Variants in KIAA0319 observed in about 807,000 individuals in gnomAD.
KIAA0319 encodes the protein dyslexia-associated protein KIAA0319.
Under a neutral mutation model 108.4 loss-of-function variants are expected in KIAA0319, and 83 were observed. The ratio of observed to expected loss-of-function variants is 0.77; its 90% CI spans 0.64 to 0.92. The LOEUF (loss-of-function observed/expected upper bound fraction) is 0.92. Ranked by LOEUF, KIAA0319 falls within the 40% of genes least tolerant of loss-of-function variation. KIAA0319 has a pLI of 0.00. For missense variants in KIAA0319, 1,195 were observed against 1,322.4 expected, an observed-to-expected ratio of 0.90 and a Z score of 1.49; for synonymous variants, 484 against 510.4, an observed-to-expected ratio of 0.95 and a Z score of 0.70.
intron 19 of KIAA0319, 101 bp from the exon 20 acceptor site, chr6:24,551,626 TATG>T: frequency 1.3e-6 from 1 of 786,096 alleles, no homozygotes; most frequent in East Asian, 2.6e-5. Context: ...ATTTTGCCTT[TATG>T]ATGTGATAGT....
chr6:24,582,594 T>C (rs893054283), intron 5 of KIAA0319, among the ~76,000 whole-genome samples: 6 of 151,606 alleles, frequency 4.0e-5, no homozygotes, highest in African/African-American at 4.8e-5. Context: ...ATCTTCTTAA[T>C]GTAACATTTC....
At chr6:24,639,394 ACTGC>A (rs1776624992) in intron 1 of KIAA0319, among the ~76,000 whole-genome samples, 1 of 152,212 alleles carries the variant, frequency 6.6e-6, no homozygotes. Flanking sequence ...AGGAACAAAA[ACTGC>A]CAATCTAGAA....
At chr6:24,554,748 T>C (rs936853796) in intron 18 of KIAA0319, 117 bp from the exon 19 acceptor site, 2 of 726,482 alleles carry the variant, frequency 2.8e-6, no homozygotes, top group African/African-American at 1.7e-5. Flanking sequence ...ACCTGTGGAG[T>C]TGATAACATC....
At chr6:24,563,107 C>T (rs540029409) in intron 16 of KIAA0319, among the ~76,000 whole-genome samples, 17 of 152,316 alleles carry the variant, frequency 1.1e-4, no homozygotes, top group Admixed American at 1.1e-3. Flanking sequence ...AACCGTCTCC[C>T]CTGCTGTTCC....
intron 10 of KIAA0319, among the ~76,000 whole-genome samples, chr6:24,573,869 C>A (rs1765087628): frequency 6.6e-6 from 1 of 152,152 alleles, no homozygotes; most frequent in Non-Finnish European, 1.5e-5. Flanking sequence ...GTAACCCCAG[C>A]ACTTTGGGAG....
At chr6:24,562,555 T>C (rs1317140177) in intron 16 of KIAA0319, among the ~76,000 whole-genome samples, 1 of 152,042 alleles carries the variant, frequency 6.6e-6, no homozygotes, top group Non-Finnish European at 1.5e-5. Flanking sequence ...AAAAGTAAAA[T>C]TCAGCCAGGC....
intron 1 of KIAA0319, among the ~76,000 whole-genome samples, chr6:24,611,529 G>T (rs577110095): frequency 6.6e-6 from 1 of 152,042 alleles, no homozygotes; most frequent in South Asian, 2.1e-4. Flanking sequence ...TGGCTAAATT[G>T]TATCCACTAA....
intron 1 of KIAA0319, among the ~76,000 whole-genome samples, chr6:24,645,198 C>A (rs1582401374): frequency 6.6e-6 from 1 of 152,234 alleles, no homozygotes; most frequent in East Asian, 1.9e-4. Flanking sequence ...ATTTCACCGA[C>A]AAACAAAAAT....
chr6:24,626,099 C>T (rs562659904), intron 1 of KIAA0319, among the ~76,000 whole-genome samples: 1 of 152,286 alleles, frequency 6.6e-6, no homozygotes, highest in South Asian at 2.1e-4. Flanking sequence ...ACACAAGGAC[C>T]ACATTTTGTA....
chr6:24,543,912 A>G (rs114979321), downstream of KIAA0319, among the ~76,000 whole-genome samples: 3,250 of 152,346 alleles, frequency 0.021, 50 homozygotes, highest in South Asian at 0.05. Context: ...GAGCATGCTC[A>G]GTTCTTCCGG....
At chr6:24,628,966 T>A (rs960817654) in intron 1 of KIAA0319, among the ~76,000 whole-genome samples, 2 of 152,088 alleles carry the variant, frequency 1.3e-5, no homozygotes, top group Non-Finnish European at 2.9e-5. Flanking sequence ...GTATTGGGGG[T>A]TAGGACTGAA....
rs763524084 is a variant in KIAA0319, at chr6:24,583,577, G to A, written c.1093+27C>T. On this transcript the variant is annotated intron_variant, in intron 5 of 20. Transcript: ENST00000378214. ...GAAGAAAAACACCCCAGTTCCTAGT[G>A]GTCAGGGAGGAAGGTTAAACTCTCA... 3.3e-6 allele frequency: 5 copies of A among 1,500,546 alleles called. No individual in the cohort carries two copies. In the South Asian group the frequency reaches 5.7e-5, roughly 17 times the overall value. 93.0% of individuals were successfully genotyped at this position (1,500,546 alleles called of 1,614,324 possible).
chr6:24,547,181 C>T lies in KIAA0319; in HGVS notation c.3203G>A (p.Cys1068Tyr). Residue 1068 changes from cysteine to tyrosine, a missense_variant, in exon 21 of 21, where the codon TGC (cysteine) becomes TAC (tyrosine). Physicochemically the swap from Cys to Tyr is radical, Grantham distance 194. Coordinates refer to ENST00000378214, the MANE Select transcript of KIAA0319 (RefSeq NM_014809.4). ...ACTGCGCCATTATCTGTCCTTTGAG[C>T]AATAACTGAAGGAAGCTCCATTTCT... ...SIRNGASFSY[C>Y]SKDR The T allele has an allele frequency of 6.2e-7, 1 of 1,614,138 alleles. No individual in the cohort carries two copies. Among genetic ancestry groups the T allele is most frequent in the South Asian group, 1.1e-5 (1 of 91,084 alleles).
At chr6:24,612,821 C>G (rs1379565601) in intron 1 of KIAA0319, among the ~76,000 whole-genome samples, 1 of 152,132 alleles carries the variant, frequency 6.6e-6, no homozygotes, top group Admixed American at 6.5e-5. Context: ...GTTTTTGAGA[C>G]TGAGTCTCAC....
intron 1 of KIAA0319, among the ~76,000 whole-genome samples, chr6:24,619,678 T>G (rs1381787396): frequency 1.3e-5 from 2 of 151,664 alleles, no homozygotes; most frequent in African/African-American, 4.8e-5. Flanking sequence ...AGGGATGAAC[T>G]TGAGTAGAAA....
At chr6:24,557,041 C>T (rs1159530750) in intron 17 of KIAA0319, among the ~76,000 whole-genome samples, 1 of 152,178 alleles carries the variant, frequency 6.6e-6, no homozygotes, top group Non-Finnish European at 1.5e-5. Flanking sequence ...CCCATCTCTA[C>T]TAAAAATACA....
At chr6:24,583,520 TCGG>T in intron 5 of KIAA0319, 81 bp downstream of exon 5, 1 of 884,162 alleles carries the variant, frequency 1.1e-6, no homozygotes, top group South Asian at 1.5e-5. Context: ...TGAAAAAGAA[TCGG>T]CGTTGTAAAT....
intron 9 of KIAA0319, among the ~76,000 whole-genome samples, chr6:24,577,575 A>G (rs1037242698): frequency 6.6e-6 from 1 of 152,214 alleles, no homozygotes; most frequent in Non-Finnish European, 1.5e-5. Context: ...GTGCTAAATA[A>G]TATCAATAGG....
rs535244046 is a variant in KIAA0319 at position 24,599,921 on chromosome 6, C to T, written c.55+1128G>A. 3 of 264,342 alleles carry T rather than the reference C, an allele frequency of 1.1e-5. No homozygotes were observed. The highest frequency in any genetic ancestry group is 1.1e-4 in the East Asian group (1 of 8,800). The allele number at this position is 264,342 out of a possible 1,614,324, so 16.4% of individuals were successfully genotyped here. On this transcript the variant is annotated intron_variant, in intron 2 of 20. Transcript: ENST00000378214. This position sits in a 1 kb window ranked among gnomAD's most constrained non-coding sequence, Gnocchi z 4.1. ...GCTCAGCGCTCGCCCTCAGCCGACC[C>T]GCGGGAGAGTTCACTGCCTGGGGTA...
Sources: gnomAD v4.1 joint callset for allele counts (sites outside exome capture counted in the v4.1 genomes callset) on GRCh38, gnomAD v4.1.1 for gene constraint, Gnocchi (gnomAD v3.1) non-coding constraint, MANE v1.5 for transcripts, NCBI Gene and HGNC (gene_info 2026-07-23, HGNC 2026-07-21) for gene names.